The following KCNK2 variants were observed in gnomAD, a reference collection of about 807,000 sequenced individuals.
KCNK2 encodes the protein potassium channel subfamily K member 2.
In KCNK2, 21 loss-of-function variants were observed where a neutral mutation model predicts 40.5. The observed-to-expected ratio is 0.52, with a 90% confidence interval of 0.37 to 0.75. The LOEUF is 0.75. Ranked by LOEUF, KCNK2 falls within the 30% of genes least tolerant of loss-of-function variation. KCNK2 has a pLI of 0.00. For synonymous variants in KCNK2, 191 were observed against 202.2 expected, an observed-to-expected ratio of 0.94 and a Z score of 0.47; for missense variants, 399 against 531.6, an observed-to-expected ratio of 0.75 and a Z score of 2.45.
rs1571736988 is a variant in KCNK2, at chr1:215,211,367, C to T, written c.963+16275C>T. 3.9e-5 allele frequency among the ~76,000 whole-genome samples: 6 copies of T among 152,170 alleles called. No homozygotes were observed. In the South Asian group the frequency reaches 1.0e-3, roughly 26 times the overall value. ...ACCTACCTGGCTCACCTCCCAACAT[C>T]GTCAAGTCTTTTCATCAAACACCAC... On this transcript the variant is annotated intron_variant, in intron 6 of 6. Transcript: ENST00000444842.
At chr1:215,067,732 G>A (rs1658608179) in intron 1 of KCNK2, among the ~76,000 whole-genome samples, 1 of 152,126 alleles carries the variant, frequency 6.6e-6, no homozygotes, top group African/African-American at 2.4e-5. Context: ...TAGACGTGGT[G>A]GTGGGTGCCT....
chr1:215,232,550 A>T (rs1666711381), intron 6 of KCNK2, among the ~76,000 whole-genome samples: 1 of 152,182 alleles, frequency 6.6e-6, no homozygotes, highest in Admixed American at 6.5e-5. Flanking sequence ...ACAGGTACTT[A>T]TTGGAAATGT....
intron 5 of KCNK2, among the ~76,000 whole-genome samples, chr1:215,182,942 T>C (rs953483183): frequency 2.0e-5 from 3 of 152,048 alleles, no homozygotes; most frequent in African/African-American, 7.2e-5. Flanking sequence ...CAGTGGAAGG[T>C]GAGTCACAGA....
intron 6 of KCNK2, among the ~76,000 whole-genome samples, chr1:215,218,785 G>A (rs76924116): frequency 1.3e-5 from 2 of 152,028 alleles, no homozygotes; most frequent in African/African-American, 4.8e-5. Context: ...AAAAATTTTA[G>A]CATGTGCCTG....
chr1:215,216,008 G>C (rs1665943231), intron 6 of KCNK2, among the ~76,000 whole-genome samples: 1 of 152,202 alleles, frequency 6.6e-6, no homozygotes, highest in Admixed American at 6.5e-5. Context: ...ATGCTTGTAA[G>C]ACAGGGCATG....
At chr1:215,121,631 A>C (rs186985393) in intron 2 of KCNK2, among the ~76,000 whole-genome samples, 55 of 152,356 alleles carry the variant, frequency 3.6e-4, no homozygotes, top group Non-Finnish European at 1.3e-4. Flanking sequence ...TAAAAAATAC[A>C]TAATAATGTG....
At chr1:215,022,106 C>CCTATCTATCTATCTAT (rs11273303) in intron 1 of KCNK2, among the ~76,000 whole-genome samples, 15,847 of 109,186 alleles carry the variant, frequency 0.15, 993 homozygotes, top group East Asian at 0.28. Context: ...TAAATCCCCT[C>CCTATCTATCTATCTAT]CTATCTATCT....
intron 1 of KCNK2, among the ~76,000 whole-genome samples, chr1:215,049,340 A>G (rs556146049): frequency 3.6e-4 from 55 of 152,228 alleles, no homozygotes; most frequent in Middle Eastern, 3.4e-3. Context: ...CTCATTTTCT[A>G]TCAAGATTTT....
chr1:215,196,857 A>C (rs1223180320), intron 6 of KCNK2, among the ~76,000 whole-genome samples: 2 of 152,186 alleles, frequency 1.3e-5, no homozygotes, highest in Non-Finnish European at 2.9e-5. Context: ...CTCAAACATC[A>C]AGCAATAATC....
chr1:215,053,383 G>A (rs1032685180), intron 1 of KCNK2, among the ~76,000 whole-genome samples: 12 of 152,144 alleles, frequency 7.9e-5, no homozygotes, highest in Admixed American at 3.9e-4. Flanking sequence ...AGGCTCTGGC[G>A]TGGGCTAGGA....
At chr1:215,053,677 A>G (rs1364524080) in intron 1 of KCNK2, among the ~76,000 whole-genome samples, 1 of 152,230 alleles carries the variant, frequency 6.6e-6, no homozygotes, top group Non-Finnish European at 1.5e-5. Context: ...TCTAGCTTAC[A>G]AAGGTAGAGC....
At chr1:215,092,793 G>A (rs75492900) in intron 2 of KCNK2, among the ~76,000 whole-genome samples, 7,341 of 152,206 alleles carry the variant, frequency 0.048, 189 homozygotes, top group Middle Eastern at 0.13. Flanking sequence ...CCATTGCACT[G>A]TTACTAACAA....
At chr1:215,037,295 C>T (rs1657421483) in intron 1 of KCNK2, among the ~76,000 whole-genome samples, 1 of 151,672 alleles carries the variant, frequency 6.6e-6, no homozygotes. Flanking sequence ...TATGATTTTA[C>T]TTTATCCTTT....
chr1:215,053,154 C>A (rs1023914060), intron 1 of KCNK2, among the ~76,000 whole-genome samples: 1 of 152,048 alleles, frequency 6.6e-6, no homozygotes, highest in African/African-American at 2.4e-5. Context: ...AGCCATTTAA[C>A]GATGAGTCCG....
intron 2 of KCNK2, among the ~76,000 whole-genome samples, chr1:215,087,353 AAACT>A (rs1183542010): frequency 3.3e-5 from 5 of 152,266 alleles, no homozygotes; most frequent in Non-Finnish European, 5.9e-5. Context: ...TTTTTGAATA[AAACT>A]AACTTAGTTC....
intron 3 of KCNK2, among the ~76,000 whole-genome samples, chr1:215,156,061 CTGTG>C (rs112439818): frequency 0.022 from 3,275 of 148,728 alleles, 55 homozygotes; most frequent in Middle Eastern, 0.072. Flanking sequence ...TATAGGTAGT[CTGTG>C]TGTGTGTGTG....
At chr1:215,140,582 C>T (rs894163936) in intron 3 of KCNK2, among the ~76,000 whole-genome samples, 19 of 152,078 alleles carry the variant, frequency 1.2e-4, no homozygotes, top group Admixed American at 2.0e-4. Flanking sequence ...ATTTGTGTAT[C>T]TAAACATACC....
intron 1 of KCNK2, among the ~76,000 whole-genome samples, chr1:215,039,514 G>T (rs1435091759): frequency 6.6e-6 from 1 of 152,110 alleles, no homozygotes; most frequent in African/African-American, 2.4e-5. Flanking sequence ...ATATTGAAGA[G>T]AAGTAACTTG....
intron 3 of KCNK2, among the ~76,000 whole-genome samples, chr1:215,145,869 T>G (rs1020817382): frequency 6.6e-6 from 1 of 152,168 alleles, no homozygotes; most frequent in African/African-American, 2.4e-5. Context: ...CTCCATTTCC[T>G]TAATGCTACA....
Sources: allele counts gnomAD v4.1 joint callset (sites outside exome capture counted in the v4.1 genomes callset), GRCh38; gene constraint gnomAD v4.1.1; transcripts MANE v1.5; gene names NCBI Gene and HGNC (gene_info 2026-07-23, HGNC 2026-07-21).